EPHA7: variants seen among roughly 807,000 people sequenced by gnomAD.
The protein encoded by EPHA7 is EPH receptor A7.
A neutral mutation model predicts 112.6 loss-of-function variants in EPHA7; 25 were observed. The ratio of observed to expected loss-of-function variants is 0.22; its 90% confidence interval spans 0.16 to 0.31. EPHA7 has a LOEUF of 0.31. Among genes scored for constraint, EPHA7 ranks in the 10% least tolerant of loss-of-function variants. The pLI, the probability that EPHA7 is intolerant of heterozygous loss-of-function variation, is 1.00. For missense variants in EPHA7, 962 were observed against 1,212.6 expected (o/e 0.79, Z 3.07); for synonymous variants, 437 against 406.5 (o/e 1.07, Z -0.90).
At chr6:93,310,235 A>G (rs1773460264) in intron 5 of EPHA7, among the ~76,000 whole-genome samples, 1 of 152,146 alleles carries the variant, frequency 6.6e-6, no homozygotes, top group Admixed American at 6.5e-5. Context: ...TTGTACGGCC[A>G]CCCCCAACAA....
chr6:93,352,983 G>A (rs1270953649), intron 5 of EPHA7, among the ~76,000 whole-genome samples: 1 of 151,892 alleles, frequency 6.6e-6, no homozygotes, highest in African/African-American at 2.4e-5. Flanking sequence ...ATAACAAATG[G>A]GCAGTAGGCT....
At chr6:93,313,073 AT>A (rs772211485) in intron 5 of EPHA7, among the ~76,000 whole-genome samples, 25 of 152,292 alleles carry the variant, frequency 1.6e-4, no homozygotes, top group Admixed American at 3.3e-4. Flanking sequence ...AATAAAAAAA[AT>A]GAAATAAATT....
intron 5 of EPHA7, among the ~76,000 whole-genome samples, chr6:93,344,218 T>A (rs1373552021): frequency 6.6e-6 from 1 of 151,634 alleles, no homozygotes; most frequent in African/African-American, 2.4e-5. Context: ...AATGATACTA[T>A]CTTAGATGAC....
chr6:93,257,894 C>T lies in EPHA7; in HGVS notation c.2110+205G>A, dbSNP rs1770509721. On this transcript the variant is annotated intron_variant, in intron 11 of 16. Transcript: ENST00000369303. Reference sequence around the variant, plus strand: ...CATCTATCAGAGTTATTCTTCAACTCTAATCTTGCATTCATTTTTTTTCTG... The same window carrying T: ...CATCTATCAGAGTTATTCTTCAACTTTAATCTTGCATTCATTTTTTTTCTG... 2.0e-5 allele frequency among the ~76,000 whole-genome samples: 3 copies of T among 151,982 alleles called. No homozygotes were observed. In the South Asian group the frequency reaches 6.2e-4, roughly 31 times the overall value.
chr6:93,352,744 A>G (rs1025533718), intron 5 of EPHA7, among the ~76,000 whole-genome samples: 4 of 152,280 alleles, frequency 2.6e-5, no homozygotes, highest in African/African-American at 9.6e-5. Flanking sequence ...ACTATGGAAT[A>G]CTACACAGCC....
At chr6:93,359,389 ACATT>A (rs1776126592) in intron 3 of EPHA7, among the ~76,000 whole-genome samples, 1 of 150,066 alleles carries the variant, frequency 6.7e-6, no homozygotes, top group African/African-American at 2.4e-5. Context: ...TATATTGAAG[ACATT>A]CAATCTATTC....
At chr6:93,357,960 G>T (rs1776041527) in intron 4 of EPHA7, among the ~76,000 whole-genome samples, 1 of 151,922 alleles carries the variant, frequency 6.6e-6, no homozygotes, top group African/African-American at 2.4e-5. Context: ...CTGCCTGACT[G>T]ACCCTAATAA....
intron 5 of EPHA7, among the ~76,000 whole-genome samples, chr6:93,293,811 G>A (rs565790498): frequency 7.6e-4 from 115 of 152,212 alleles, no homozygotes; most frequent in Non-Finnish European, 1.4e-3. Context: ...TGTTAATTAT[G>A]GTTCCTTTGT....
Position 93,356,914 on chromosome 6 carries a change from T to G in EPHA7, c.1127A>C (p.Gln376Pro), listed in dbSNP as rs779939317. Residue 376 changes from glutamine to proline, a missense_variant, in exon 5 of 17, where the codon CAG becomes CCG. Physicochemically the swap from Gln to Pro is moderately conservative, Grantham distance 76. Around this residue, in one of 3 missense-constraint regions of EPHA7, gnomAD observed 746 missense variants for 889.2 expected, o/e 0.84. Transcript: ENST00000369303. ...ACTCCCACAGGGAACACATTCGCCCTGCTCCCAACTGCACCGCTTACACAA... is the reference window on the plus strand; with the variant it reads ...ACTCCCACAGGGAACACATTCGCCCGGCTCCCAACTGCACCGCTTACACAA... ...RILCKRCSWE[Q>P]GECVPCGSNI... The G allele has an allele frequency of 1.9e-6, 3 of 1,614,178 alleles. No homozygotes were observed. The highest frequency in any genetic ancestry group is 1.1e-5 in the South Asian group (1 of 91,088).
At chr6:93,328,386 A>T (rs893845532) in intron 5 of EPHA7, among the ~76,000 whole-genome samples, 1 of 151,476 alleles carries the variant, frequency 6.6e-6, no homozygotes, top group African/African-American at 2.4e-5. Flanking sequence ...TTTTCCCAGC[A>T]TCTAGAGTAA....
intron 3 of EPHA7, among the ~76,000 whole-genome samples, chr6:93,359,724 G>A (rs994288137): frequency 6.6e-6 from 1 of 151,910 alleles, no homozygotes; most frequent in Non-Finnish European, 1.5e-5. Flanking sequence ...ATATATTTGG[G>A]AGCTCAAAAT....
intron 5 of EPHA7, among the ~76,000 whole-genome samples, chr6:93,303,357 G>A (rs374607405): frequency 5.5e-4 from 83 of 152,182 alleles, no homozygotes; most frequent in African/African-American, 1.9e-3. Flanking sequence ...GTGTTTGCCT[G>A]TTTCAGTCTC....
chr6:93,322,958 T>A (rs1205701958), intron 5 of EPHA7, among the ~76,000 whole-genome samples: 1 of 151,554 alleles, frequency 6.6e-6, no homozygotes, highest in African/African-American at 2.4e-5. Flanking sequence ...GTTAATCAAG[T>A]TGGGCATTTT....
At chr6:93,335,935 C>T (rs150985103) in intron 5 of EPHA7, among the ~76,000 whole-genome samples, 217 of 152,014 alleles carry the variant, frequency 1.4e-3, no homozygotes, top group African/African-American at 5.1e-3. Context: ...AACATGTATC[C>T]AGTATATGAG....
chr6:93,345,451 T>G (rs368648379), intron 5 of EPHA7, among the ~76,000 whole-genome samples: 8 of 151,832 alleles, frequency 5.3e-5, no homozygotes, highest in African/African-American at 1.9e-4. Context: ...TATGTACATC[T>G]CTGCCATGTA....
At chr6:93,416,837 G>C (rs919636800) in intron 1 of EPHA7, among the ~76,000 whole-genome samples, 1 of 151,856 alleles carries the variant, frequency 6.6e-6, no homozygotes, top group Non-Finnish European at 1.5e-5. Flanking sequence ...CCCAGGCAAC[G>C]ACCGCGCGGG....
intron 5 of EPHA7, among the ~76,000 whole-genome samples, chr6:93,341,086 T>C (rs1468967744): frequency 6.6e-6 from 1 of 151,908 alleles, no homozygotes; most frequent in Non-Finnish European, 1.5e-5. Context: ...CATTATAACC[T>C]ATTTAGTCTA....
intron 5 of EPHA7, among the ~76,000 whole-genome samples, chr6:93,350,543 G>A (rs1775636901): frequency 6.6e-6 from 1 of 151,952 alleles, no homozygotes; most frequent in African/African-American, 2.4e-5. Flanking sequence ...TATAATCTGA[G>A]TGAGTGTCAT....
intron 5 of EPHA7, among the ~76,000 whole-genome samples, chr6:93,283,357 G>A (rs570937356): frequency 5.9e-5 from 9 of 152,178 alleles, no homozygotes; most frequent in African/African-American, 2.2e-4. Context: ...ATGTGGGTGG[G>A]GCCAGATAAG....
Sources: allele counts gnomAD v4.1 joint callset (sites outside exome capture counted in the v4.1 genomes callset), GRCh38; gene constraint gnomAD v4.1.1; regional missense constraint gnomAD v4.1.1; transcripts MANE v1.5; gene names NCBI Gene and HGNC (gene_info 2026-07-23, HGNC 2026-07-21).